The following NCKAP5 variants were observed in gnomAD, a reference collection of about 807,000 sequenced individuals.
NCKAP5 encodes nck-associated protein 5.
Under a neutral mutation model 167.0 loss-of-function variants are expected in NCKAP5, and 92 were observed. That is an observed-to-expected ratio of 0.55 (90% CI 0.47 to 0.66). NCKAP5 has a LOEUF of 0.66. Among genes scored for constraint, NCKAP5 ranks in the 30% least tolerant of loss-of-function variants. The pLI, the probability that NCKAP5 is intolerant of heterozygous loss-of-function variation, is 0.00. For synonymous variants in NCKAP5, 891 were observed against 877.4 expected, an observed-to-expected ratio of 1.02 and a Z score of -0.27; for missense variants, 2,378 against 2,315.0, an observed-to-expected ratio of 1.03 and a Z score of -0.56.
chr2:133,276,838 G>A (rs1272280629), intron 4 of NCKAP5, among the ~76,000 whole-genome samples: 4 of 151,450 alleles, frequency 2.6e-5, no homozygotes, highest in East Asian at 3.9e-4. Flanking sequence ...AAAATATCAC[G>A]GCCAAGTGAC....
chr2:132,942,920 G>T (rs281574), intron 8 of NCKAP5, among the ~76,000 whole-genome samples: 125,669 of 152,220 alleles, frequency 0.83, 52,417 homozygotes, highest in African/African-American at 0.95. Flanking sequence ...GAAGAGCAAC[G>T]AAACAGTTTG....
chr2:133,593,142 C>T, the NCKAP5 span, among the ~76,000 whole-genome samples: 2 of 152,174 alleles, frequency 1.3e-5, no homozygotes, highest in African/African-American at 4.8e-5. Context: ...AAAGCTGATG[C>T]AGAATTCACA....
chr2:132,745,592 A>C (rs1679571842), intron 16 of NCKAP5, among the ~76,000 whole-genome samples: 1 of 151,924 alleles, frequency 6.6e-6, no homozygotes, highest in Non-Finnish European at 1.5e-5. Context: ...AGTGGAGGTT[A>C]TAGCCAGTGC....
chr2:133,284,609 G>C (rs1167822142), intron 4 of NCKAP5: 1 of 152,154 alleles, frequency 6.6e-6, no homozygotes, highest in Non-Finnish European at 1.5e-5. Context: ...TTCCTGGGTT[G>C]TGAATAGAAG....
the NCKAP5 span, among the ~76,000 whole-genome samples, chr2:133,632,374 G>A: frequency 1.3e-5 from 2 of 152,214 alleles, no homozygotes; most frequent in Non-Finnish European, 2.9e-5. Context: ...AAGCCCCAAG[G>A]CTGCCTGGAT....
chr2:133,430,285 A>G (rs112014917), intron 3 of NCKAP5, among the ~76,000 whole-genome samples: 5,061 of 152,074 alleles, frequency 0.033, 123 homozygotes, highest in Admixed American at 0.081. Flanking sequence ...CCTTTCTTGG[A>G]TGCATAGTTT....
chr2:132,882,874 T>G (rs762928800), intron 8 of NCKAP5, among the ~76,000 whole-genome samples: 1 of 152,052 alleles, frequency 6.6e-6, no homozygotes, highest in Non-Finnish European at 1.5e-5. Flanking sequence ...TTTTTTGTCT[T>G]CCTCTGTTAC....
chr2:133,322,798 C>A (rs1218893756), intron 3 of NCKAP5, among the ~76,000 whole-genome samples: 1 of 152,168 alleles, frequency 6.6e-6, no homozygotes, highest in Non-Finnish European at 1.5e-5. Context: ...GGTTAGCAAA[C>A]CTCAGCCAGC....
chr2:133,144,983 G>A (rs996483382), intron 5 of NCKAP5, among the ~76,000 whole-genome samples: 1 of 152,070 alleles, frequency 6.6e-6, no homozygotes, highest in Admixed American at 6.6e-5. Flanking sequence ...ATACATACAG[G>A]TAGATGATAA....
At chr2:133,546,658 CAAAAACAAAACAAAACAAAACAA>C (rs1686707118) in intron 2 of NCKAP5, among the ~76,000 whole-genome samples, 1 of 151,568 alleles carries the variant, frequency 6.6e-6, no homozygotes, top group African/African-American at 2.4e-5. Context: ...CACCAGCAGG[CAAAAACAAAACAAAACAAAACAA>C]AAAAACAAAA....
At chr2:132,910,363 C>G (rs1694350807) in intron 8 of NCKAP5, among the ~76,000 whole-genome samples, 1 of 151,972 alleles carries the variant, frequency 6.6e-6, no homozygotes, top group African/African-American at 2.4e-5. Context: ...CACATTCTTC[C>G]TATTTTTCTG....
At chr2:133,123,705 T>C (rs1454262408) in intron 6 of NCKAP5, 4 of 463,114 alleles carry the variant, frequency 8.6e-6, no homozygotes, top group Non-Finnish European at 1.8e-5. Context: ...CAGTCAGACA[T>C]GGGAACAAGT....
chr2:132,930,797 C>T (rs572234123), intron 8 of NCKAP5: 1 of 152,270 alleles, frequency 6.6e-6, no homozygotes, highest in Non-Finnish European at 1.5e-5. Context: ...TTAGAAGTAA[C>T]AGGTAATAAC....
chr2:133,107,528 T>C (rs2081751057), intron 6 of NCKAP5, among the ~76,000 whole-genome samples: 1 of 152,216 alleles, frequency 6.6e-6, no homozygotes, highest in Non-Finnish European at 1.5e-5. Context: ...AATTATCATA[T>C]TTAGAACTTT....
intron 8 of NCKAP5, among the ~76,000 whole-genome samples, chr2:132,924,634 T>C (rs1558948150): frequency 6.6e-6 from 1 of 152,134 alleles, no homozygotes; most frequent in Non-Finnish European, 1.5e-5. Flanking sequence ...TAACAGCTAG[T>C]CCAGGTTAAT....
chr2:132,742,635 A>C (rs1036576397), intron 16 of NCKAP5, among the ~76,000 whole-genome samples: 2 of 151,878 alleles, frequency 1.3e-5, no homozygotes, highest in Non-Finnish European at 2.9e-5. Context: ...AAAGTTCAAA[A>C]ATGTTTTTCT....
intron 5 of NCKAP5, among the ~76,000 whole-genome samples, chr2:133,133,030 T>C (rs1274461141): frequency 6.6e-6 from 1 of 152,156 alleles, no homozygotes; most frequent in Non-Finnish European, 1.5e-5. Flanking sequence ...ATCAATAGAT[T>C]GGCTATTTTT....
At chr2:133,616,792 A>G in the NCKAP5 span, among the ~76,000 whole-genome samples, 1 of 152,094 alleles carries the variant, frequency 6.6e-6, no homozygotes, top group Non-Finnish European at 1.5e-5. Context: ...ATCCTCCCTA[A>G]CTCATTTTAT....
intron 6 of NCKAP5, among the ~76,000 whole-genome samples, chr2:133,088,197 T>C (rs963865611): frequency 6.6e-6 from 1 of 152,238 alleles, no homozygotes; most frequent in African/African-American, 2.4e-5. Context: ...AATTGGCTCC[T>C]AGAATTCCAA....
Sources: gnomAD v4.1 joint callset for allele counts (sites outside exome capture counted in the v4.1 genomes callset) on GRCh38, gnomAD v4.1.1 for gene constraint, MANE v1.5 for transcripts, NCBI Gene and HGNC (gene_info 2026-07-23, HGNC 2026-07-21) for gene names.